Variants in RSPH14 observed in about 807,000 individuals in gnomAD.
The protein encoded by RSPH14 is rhabdoid tumor deletion region gene 1.
A neutral mutation model predicts 26.7 loss-of-function variants in RSPH14; 20 were observed. The observed-to-expected ratio is 0.75, with a 90% CI of 0.53 to 1.09. The LOEUF (loss-of-function observed/expected upper bound fraction) is 1.09, where lower values mean the gene tolerates loss of function less well. RSPH14 is among the 50% of genes least tolerant of loss of function. RSPH14 has a pLI of 0.00. For synonymous variants in RSPH14, 177 were observed against 189.3 expected, an observed-to-expected ratio of 0.93 and a Z score of 0.53; for missense variants, 449 against 457.2, an observed-to-expected ratio of 0.98 and a Z score of 0.16.
chr22:23,155,360 A>G, the RSPH14 span, among the ~76,000 whole-genome samples: 1 of 152,142 alleles, frequency 6.6e-6, no homozygotes. Flanking sequence ...GACATCATTA[A>G]TCGATTGTTG....
In RSPH14 at chr22:23,072,759, G is replaced by A. The variant is rs554695110; in HGVS notation, c.422-8626C>T. Among the ~76,000 whole-genome samples, 161 of 152,338 alleles carry A rather than the reference G, an allele frequency of 1.1e-3. 1 individual carries two copies. The highest frequency in any genetic ancestry group is 1.9e-3 in the Admixed American group (29 of 15,300). ...TGTGACTGTGGGTTTGGGACACAGGGAATGGATTCTTCCCTCTGTCCCCAG... is the reference window on the plus strand; with the variant it reads ...TGTGACTGTGGGTTTGGGACACAGGAAATGGATTCTTCCCTCTGTCCCCAG... On this transcript the variant is annotated intron_variant, in intron 4 of 6. Transcript: ENST00000216036.
the RSPH14 span, chr22:23,161,856 C>CT: frequency 2.4e-6 from 1 of 420,738 alleles, no homozygotes; most frequent in Admixed American, 3.9e-5. Flanking sequence ...GCAGGGTCAT[C>CT]AGACAGTCAC....
At chr22:23,156,333 G>A in the RSPH14 span, 2 of 312,746 alleles carry the variant, frequency 6.4e-6, no homozygotes, top group Non-Finnish European at 1.2e-5. Flanking sequence ...GAGGCTCAGA[G>A]AAGGGCAGCA....
At chr22:23,145,573 GT>G, upstream of RSPH14, 1 of 1,589,884 alleles carries the variant, frequency 6.3e-7, no homozygotes, top group Non-Finnish European at 8.5e-7. Flanking sequence ...CGCCCACTCT[GT>G]CCGACCCTCC....
intron 4 of RSPH14, chr22:23,122,429 GCAGCTGGTGGGAGTGCCCA>G (rs1222401841): frequency 6.5e-6 from 1 of 152,860 alleles, no homozygotes; most frequent in Non-Finnish European, 1.5e-5. Flanking sequence ...ATGCCCCACA[GCAGCTGGTGGGAGTGCCCA>G]CAGCTGGAGG....
the RSPH14 span, among the ~76,000 whole-genome samples, chr22:23,166,147 TAAAAAAAAAAAAAA>T: frequency 1.8e-4 from 11 of 59,888 alleles, no homozygotes; most frequent in African/African-American, 6.4e-4. Context: ...CTCTGTCTTT[TAAAAAAAAAAAAAA>T]AAAAAAAAAA....
At chr22:23,061,706 T>C (rs991026580) in intron 6 of RSPH14, 103 bp downstream of exon 6, 2 of 1,347,836 alleles carry the variant, frequency 1.5e-6, no homozygotes, top group Admixed American at 2.3e-5. Context: ...TTTTGCAAAG[T>C]GTGGAGTTTG....
intron 4 of RSPH14, chr22:23,123,476 G>T: frequency 3.0e-6 from 4 of 1,336,224 alleles, no homozygotes; most frequent in Non-Finnish European, 4.2e-6. Flanking sequence ...AACCCACGGG[G>T]TGTCATGCCC....
chr22:23,153,275 G>A, the RSPH14 span: 1 of 686,386 alleles, frequency 1.5e-6, no homozygotes, highest in South Asian at 1.8e-5. Flanking sequence ...GTGACACTTA[G>A]CTTCCTGGCT....
chr22:23,134,770 G>A (rs1873121755), intron 3 of RSPH14, among the ~76,000 whole-genome samples: 2 of 152,060 alleles, frequency 1.3e-5, no homozygotes, highest in Non-Finnish European at 2.9e-5. Context: ...GAAGGCTGAG[G>A]CACAAGATCA....
intron 2 of RSPH14, among the ~76,000 whole-genome samples, chr22:23,139,385 C>T (rs966471527): frequency 1.3e-5 from 2 of 152,240 alleles, no homozygotes; most frequent in Admixed American, 1.3e-4. Context: ...CTTTGGGAGG[C>T]CAAGGCAAGC....
At chr22:23,066,757 T>TG (rs941757683) in intron 4 of RSPH14, among the ~76,000 whole-genome samples, 1 of 151,090 alleles carries the variant, frequency 6.6e-6, no homozygotes, top group African/African-American at 2.4e-5. Flanking sequence ...CCGCTGGGGG[T>TG]GGGGGGTGGT....
At chr22:23,134,926 C>T (rs1410278959) in intron 3 of RSPH14, among the ~76,000 whole-genome samples, 4 of 152,066 alleles carry the variant, frequency 2.6e-5, no homozygotes, top group South Asian at 2.1e-4. Context: ...AATCCCAGTG[C>T]TTTGGGAGAC....
chr22:23,078,360 C>T (rs527919020), intron 4 of RSPH14, among the ~76,000 whole-genome samples: 56 of 152,206 alleles, frequency 3.7e-4, no homozygotes, highest in Non-Finnish European at 7.1e-4. Flanking sequence ...ACACCACGCA[C>T]GCAAGCACAG....
the RSPH14 span, among the ~76,000 whole-genome samples, chr22:23,174,076 G>A: frequency 6.6e-6 from 1 of 152,210 alleles, no homozygotes; most frequent in Non-Finnish European, 1.5e-5. Flanking sequence ...GGCATGAGAA[G>A]TTCTGCATTG....
intron 4 of RSPH14, among the ~76,000 whole-genome samples, chr22:23,107,777 C>T (rs935811183): frequency 3.9e-5 from 6 of 152,190 alleles, no homozygotes; most frequent in Admixed American, 1.3e-4. Flanking sequence ...CACCAGAATA[C>T]GGGATCAGAT....
intron 4 of RSPH14, among the ~76,000 whole-genome samples, chr22:23,117,002 C>A (rs776286568): frequency 6.6e-6 from 1 of 152,156 alleles, no homozygotes; most frequent in South Asian, 2.1e-4. Flanking sequence ...CTGGAATATG[C>A]GCGCACCTGC....
chr22:23,131,802 G>C, intron 4 of RSPH14: 1 of 469,844 alleles, frequency 2.1e-6, no homozygotes, highest in Non-Finnish European at 4.3e-6. Context: ...TGCATTTTCA[G>C]AAATATGTGT....
At chr22:23,146,381 G>GTT (rs147076751), upstream of RSPH14, among the ~76,000 whole-genome samples, 1,724 of 150,028 alleles carry the variant, frequency 0.011, 17 homozygotes, top group Non-Finnish European at 0.02. Flanking sequence ...TAATTTTTTT[G>GTT]GTTTTTTTTT....
Sources: allele counts gnomAD v4.1 joint callset (sites outside exome capture counted in the v4.1 genomes callset), GRCh38; gene constraint gnomAD v4.1.1; transcripts MANE v1.5; gene names NCBI Gene and HGNC (gene_info 2026-07-23, HGNC 2026-07-21).